The following ARMC3 variants were observed in gnomAD, a reference collection of about 807,000 sequenced individuals.
ARMC3 encodes armadillo repeat containing 3.
ARMC3 carries 74 observed loss-of-function variants against 90.3 expected under a neutral mutation model. The observed-to-expected ratio is 0.82, with a 90% CI of 0.68 to 0.99. ARMC3 has a LOEUF of 0.99. Among genes scored for constraint, ARMC3 ranks in the 50% least tolerant of loss-of-function variants. The probability of loss-of-function intolerance (pLI) is 0.00; values close to 1 mark genes in which losing one functional copy is unlikely to be tolerated. For missense variants in ARMC3, 958 were observed against 1,042.8 expected (o/e 0.92, Z 1.12); for synonymous variants, 334 against 361.8 (o/e 0.92, Z 0.87).
At chr10:22,986,506 C>G (rs776797849) in intron 10 of ARMC3, among the ~76,000 whole-genome samples, 1 of 148,618 alleles carries the variant, frequency 6.7e-6, no homozygotes, top group Admixed American at 6.7e-5. Context: ...GAGCCAAGAT[C>G]GCGCCACTTC....
intron 8 of ARMC3, among the ~76,000 whole-genome samples, chr10:22,968,740 G>C (rs113947961): frequency 0.032 from 4,924 of 152,148 alleles, 252 homozygotes; most frequent in African/African-American, 0.11. Flanking sequence ...GGGCTCAAGC[G>C]ATCTGCCCAC....
intron 10 of ARMC3, among the ~76,000 whole-genome samples, chr10:22,991,931 A>C (rs994038112): frequency 6.6e-6 from 1 of 152,352 alleles, no homozygotes; most frequent in East Asian, 1.9e-4. Flanking sequence ...GCTGATTTCC[A>C]GGCTAAACAG....
At chr10:22,972,910 G>C (rs954108674) in intron 8 of ARMC3, among the ~76,000 whole-genome samples, 5 of 151,940 alleles carry the variant, frequency 3.3e-5, no homozygotes, top group Middle Eastern at 3.2e-3. Flanking sequence ...TAGCATATTG[G>C]GCCAACCCTT....
At position 23,031,099 on chromosome 10, in the gene ARMC3, T is replaced by C. The variant is rs1186670289; in HGVS notation, c.2246+303T>C. 4 of 260,072 alleles carry C rather than the reference T, an allele frequency of 1.5e-5. No individual in the cohort carries two copies. The Admixed American group carries it at 1.9e-4, about 13-fold the overall frequency. The allele number at this position is 260,072 out of a possible 1,614,324, so 16.1% of individuals were successfully genotyped here. Reference sequence around the variant, plus strand: ...CAGAAGTTATGAATGAATCAAAAGTTTGAAGATTAAATCATCCCTTAGGTG... The same window carrying C: ...CAGAAGTTATGAATGAATCAAAAGTCTGAAGATTAAATCATCCCTTAGGTG... On this transcript the variant is annotated intron_variant, in intron 17 of 18. Transcript: ENST00000298032.
chr10:22,982,935 A>G (rs1464872429), intron 10 of ARMC3, among the ~76,000 whole-genome samples: 4 of 152,216 alleles, frequency 2.6e-5, no homozygotes, highest in African/African-American at 9.6e-5. Flanking sequence ...TGATAAAAAC[A>G]TAAGAGGAAT....
intron 16 of ARMC3, among the ~76,000 whole-genome samples, chr10:23,028,860 A>G (rs1181296877): frequency 6.8e-6 from 1 of 147,798 alleles, no homozygotes; most frequent in African/African-American, 2.6e-5. Context: ...TAAATAAATA[A>G]CTTATGGGGT....
intron 10 of ARMC3, among the ~76,000 whole-genome samples, chr10:22,986,101 G>T (rs1214764786): frequency 7.8e-6 from 1 of 127,474 alleles, no homozygotes; most frequent in Non-Finnish European, 1.6e-5. Flanking sequence ...CCACACCCCT[G>T]CACTGCACGC....
rs982227554 is a variant in ARMC3 at position 22,992,987 on chromosome 10, A to G, written c.1176-5161A>G. Among the ~76,000 whole-genome samples, 7 of 38,952 alleles carry G rather than the reference A, an allele frequency of 1.8e-4. No homozygotes were observed. The South Asian group carries it at 5.5e-3, about 31-fold the overall frequency. The allele number at this position is 38,952 out of a possible 152,430, so 25.6% of individuals were successfully genotyped here. A position where few individuals can be genotyped will look rare whatever the true frequency, so the allele number is the denominator to read the frequency against. ...CCAATATGTCTTCCTTGGTGTGACA[A>G]AACTCACGGAGACATGAAAAGTCAT... On this transcript the variant is annotated intron_variant, in intron 10 of 18. Transcript: ENST00000298032.
At chr10:23,001,360 GATCTTCAA>G (rs969779536) in intron 11 of ARMC3, among the ~76,000 whole-genome samples, 1 of 152,150 alleles carries the variant, frequency 6.6e-6, no homozygotes, top group African/African-American at 2.4e-5. Flanking sequence ...ACCCTCCTTG[GATCTTCAA>G]AGTGCATCAC....
chr10:22,987,361 G>C (rs1836497925), intron 10 of ARMC3, among the ~76,000 whole-genome samples: 2 of 152,166 alleles, frequency 1.3e-5, no homozygotes, highest in African/African-American at 4.8e-5. Flanking sequence ...TGTTGGATCT[G>C]ATCAGAATTA....
rs1434292525 is a variant in ARMC3, at chr10:23,030,628, T to C, written c.2078T>C (p.Val693Ala). ...KSKGKKEEEK[V>A]KEEEEVMVVP... ...AAAGGAAAAAAAGAAGAGGAAAAAG[T>C]GAAAGAGGAGGAAGAGGTTATGGTG... is the stretch of plus-strand genomic sequence containing the variant. Residue 693 changes from valine to alanine, a missense_variant, in exon 17 of 19, where the codon GTG becomes GCG. By Grantham distance (64) the Val-to-Ala change is moderately conservative. Transcript: ENST00000298032. 6.2e-7 allele frequency: 1 copy of C among 1,613,482 alleles called. No homozygotes were observed. The highest frequency in any genetic ancestry group is 2.2e-5 in the East Asian group (1 of 44,794).
At chr10:22,996,057 G>A (rs1271256742) in intron 10 of ARMC3, among the ~76,000 whole-genome samples, 1 of 151,916 alleles carries the variant, frequency 6.6e-6, no homozygotes, top group East Asian at 1.9e-4. Context: ...TGGTTTAAGG[G>A]GCTGATTGCA....
chr10:23,029,214 T>C (rs1248515123), intron 16 of ARMC3, among the ~76,000 whole-genome samples: 2 of 152,224 alleles, frequency 1.3e-5, no homozygotes, highest in Non-Finnish European at 2.9e-5. Context: ...TCTTGAGCTT[T>C]CTCTGTGCTG....
chr10:22,985,616 A>T (rs561589406), intron 10 of ARMC3, among the ~76,000 whole-genome samples: 1 of 152,176 alleles, frequency 6.6e-6, no homozygotes, highest in Non-Finnish European at 1.5e-5. Context: ...TTTGCTTCTC[A>T]GAGGCCATTC....
chr10:23,036,953 G>C (rs1432682145), intron 18 of ARMC3, among the ~76,000 whole-genome samples: 1 of 152,216 alleles, frequency 6.6e-6, no homozygotes, highest in Non-Finnish European at 1.5e-5. Flanking sequence ...AAGATGGATA[G>C]ATGCACTAGT....
chr10:22,975,382 G>A (rs1329094098), intron 8 of ARMC3, among the ~76,000 whole-genome samples: 1 of 152,052 alleles, frequency 6.6e-6, no homozygotes. Flanking sequence ...TGGTGAAACC[G>A]TGAAACCCCA....
chr10:23,032,842 C>T lies in ARMC3; in HGVS notation c.2247-19C>T. The T allele has an allele frequency of 6.2e-7, 1 of 1,601,338 alleles. No homozygotes were observed. On this transcript the variant is annotated intron_variant, in intron 17 of 18. Coordinates refer to ENST00000298032, the MANE Select transcript of ARMC3 (RefSeq NM_173081.5). ...AGTTATTAAAATTGACCGATTTGAT[C>T]TCAATGTAATTGACACAGGTATGTA... is the stretch of plus-strand genomic sequence containing the variant.
intron 16 of ARMC3, among the ~76,000 whole-genome samples, chr10:23,024,207 C>T (rs1169473033): frequency 6.6e-6 from 1 of 152,138 alleles, no homozygotes; most frequent in African/African-American, 2.4e-5. Context: ...GAACTGTCAA[C>T]CACAAGTATC....
At chr10:23,012,146 T>C (rs1247744577) in intron 16 of ARMC3, among the ~76,000 whole-genome samples, 2 of 152,236 alleles carry the variant, frequency 1.3e-5, no homozygotes, top group Non-Finnish European at 2.9e-5. Flanking sequence ...TAATCCTAAA[T>C]TTTTTGGGCA....
Sources: allele counts gnomAD v4.1 joint callset (sites outside exome capture counted in the v4.1 genomes callset), GRCh38; gene constraint gnomAD v4.1.1; transcripts MANE v1.5; gene names NCBI Gene and HGNC (gene_info 2026-07-23, HGNC 2026-07-21).